Variants in MED26 observed in about 807,000 individuals in gnomAD.
The protein encoded by MED26 is mediator of RNA polymerase II transcription subunit 26.
In MED26, 7 loss-of-function variants were observed where a neutral mutation model predicts 43.7. The ratio of observed to expected loss-of-function variants is 0.16; its 90% CI spans 0.09 to 0.30. The LOEUF (loss-of-function observed/expected upper bound fraction) is 0.30. MED26 is among the 10% of genes least tolerant of loss of function. The pLI is 1.00. For synonymous variants in MED26, 375 were observed against 371.1 expected, an observed-to-expected ratio of 1.01 and a Z score of -0.12; for missense variants, 784 against 840.6, an observed-to-expected ratio of 0.93 and a Z score of 0.83.
chr19:16,576,545 G>C lies in MED26; in HGVS notation c.1285C>G (p.Pro429Ala). 1 of 1,614,186 alleles carries C rather than the reference G, an allele frequency of 6.2e-7. No individual in the cohort carries two copies. Among genetic ancestry groups the C allele is most frequent in the Non-Finnish European group, 8.5e-7 (1 of 1,180,040 alleles). Residue 429 changes from proline to alanine, a missense_variant, in exon 3 of 3, where the codon CCC becomes GCC. By Grantham distance (27) the Pro-to-Ala change is conservative. Coordinates refer to ENST00000263390, the MANE Select transcript of MED26 (RefSeq NM_004831.5). The surrounding 1 kb of genome is among the most constrained non-coding windows in gnomAD (Gnocchi z 6.8). ...AGAGGTTTGATCTGTCTCGTCATGG[G>C]GTCAAAGGTGAGCTTCCGCTCTTTT... ...RLKERKLTFDPMTRQIKPLTQ... is the reference protein window; with the variant it reads ...RLKERKLTFDAMTRQIKPLTQ...
chr19:16,598,820 G>A (rs1032348209), intron 1 of MED26, among the ~76,000 whole-genome samples: 2 of 152,176 alleles, frequency 1.3e-5, no homozygotes, highest in African/African-American at 4.8e-5. Flanking sequence ...GAGAAAATGT[G>A]CTATGATGAC....
At chr19:16,579,140 C>T (rs1409946526) in intron 1 of MED26, among the ~76,000 whole-genome samples, 1 of 152,078 alleles carries the variant, frequency 6.6e-6, no homozygotes, top group Non-Finnish European at 1.5e-5. Context: ...ACCAGTCAAT[C>T]TGAATCCAAA....
chr19:16,598,656 G>A (rs1319692815), intron 1 of MED26, among the ~76,000 whole-genome samples: 1 of 152,150 alleles, frequency 6.6e-6, no homozygotes, highest in African/African-American at 2.4e-5. Context: ...CACACCCTCT[G>A]ACAAGTTCCA....
intron 1 of MED26, among the ~76,000 whole-genome samples, chr19:16,591,849 G>T (rs905479020): frequency 1.3e-5 from 2 of 152,214 alleles, no homozygotes; most frequent in African/African-American, 4.8e-5. Context: ...TAAGCTCCTA[G>T]AGTGAGAAAT....
rs1283038578 is a variant in MED26 at position 16,576,354 on chromosome 19, C to T, written c.1476G>A (p.Arg492=). The T allele has an allele frequency of 6.2e-7, 1 of 1,614,032 alleles. No homozygotes were observed. Among genetic ancestry groups the T allele is most frequent in the South Asian group, 1.1e-5 (1 of 91,074 alleles). The change falls in exon 3 of 3, where the codon CGG becomes CGA. Residue 492 remains arginine (R), a synonymous_variant. Coordinates refer to ENST00000263390, the MANE Select transcript of MED26 (RefSeq NM_004831.5). This position sits in a 1 kb window ranked among gnomAD's most constrained non-coding sequence, Gnocchi z 6.8. ...RNEIIQSYLS[R]QSSLLSSSGA... Reference sequence around the variant, plus strand: ...CCGATGATGAGAGCAGGCTGCTCTGCCGGCTCAGGTAGGACTGGATGATCT... The same window carrying T: ...CCGATGATGAGAGCAGGCTGCTCTGTCGGCTCAGGTAGGACTGGATGATCT...
chr19:16,604,435 T>C (rs2086163338), intron 1 of MED26, among the ~76,000 whole-genome samples: 1 of 152,220 alleles, frequency 6.6e-6, no homozygotes, highest in Non-Finnish European at 1.5e-5. Context: ...TTATTGCTTG[T>C]GTACTGAAAA....
At chr19:16,623,688 C>T (rs2086261389) in intron 1 of MED26, among the ~76,000 whole-genome samples, 1 of 152,174 alleles carries the variant, frequency 6.6e-6, no homozygotes, top group Admixed American at 6.5e-5. Context: ...GGGGACGTTA[C>T]AGGATCCTCA....
intron 1 of MED26, among the ~76,000 whole-genome samples, chr19:16,617,020 A>G (rs1284053496): frequency 6.6e-6 from 1 of 152,080 alleles, no homozygotes; most frequent in Non-Finnish European, 1.5e-5. Context: ...GCCACTTCCT[A>G]CTTCCCAACT....
intron 1 of MED26, among the ~76,000 whole-genome samples, chr19:16,585,484 C>T (rs2086066577): frequency 6.6e-6 from 1 of 152,118 alleles, no homozygotes; most frequent in Non-Finnish European, 1.5e-5. Flanking sequence ...AACAATGAGC[C>T]AGCAGTAACC....
intron 1 of MED26, among the ~76,000 whole-genome samples, chr19:16,605,991 T>TC: frequency 6.6e-6 from 1 of 152,222 alleles, no homozygotes; most frequent in South Asian, 2.1e-4. Context: ...AGGCCAGTTT[T>TC]CCCCTTCTTC....
At chr19:16,597,459 CAG>C (rs2086125963) in intron 1 of MED26, 2 of 398,522 alleles carry the variant, frequency 5.0e-6, no homozygotes, top group Non-Finnish European at 8.8e-6. Context: ...ACTTCCTAAA[CAG>C]GTAACATTTA....
At chr19:16,585,400 G>A (rs1425369272) in intron 1 of MED26, among the ~76,000 whole-genome samples, 1 of 152,120 alleles carries the variant, frequency 6.6e-6, no homozygotes, top group Non-Finnish European at 1.5e-5. Flanking sequence ...CCCTCAAGTG[G>A]CCCAGACCAG....
intron 1 of MED26, chr19:16,589,240 A>G (rs754291): frequency 0.48 from 73,395 of 152,054 alleles, 19,917 homozygotes; most frequent in African/African-American, 0.75. Flanking sequence ...GTCACCCAAG[A>G]AAGAGTCTGG....
intron 1 of MED26, among the ~76,000 whole-genome samples, chr19:16,600,003 T>C (rs890765413): frequency 3.3e-5 from 5 of 152,150 alleles, no homozygotes; most frequent in Middle Eastern, 3.2e-3. Flanking sequence ...CTCTGCCCTC[T>C]TGGTGCCTGA....
chr19:16,613,082 T>C (rs1045515934), intron 1 of MED26, among the ~76,000 whole-genome samples: 4 of 152,158 alleles, frequency 2.6e-5, no homozygotes, highest in African/African-American at 9.7e-5. Context: ...TTTAGTAGGA[T>C]AGGGACGTCC....
In MED26 at chr19:16,578,319, G is replaced by T. The variant is rs769425906; in HGVS notation, c.147+16C>A. 29 of 1,612,390 alleles carry T rather than the reference G, an allele frequency of 1.8e-5. No individual in the cohort carries two copies. In the Admixed American group the frequency reaches 4.7e-4, roughly 26 times the overall value. ...CCCGTTCTGCCCTCCCAAATGCTGG[G>T]GTCTGGGATACTCACCTCAAGTGCC... On this transcript the variant is annotated intron_variant, in intron 2 of 2. Transcript: ENST00000263390.
intron 1 of MED26, among the ~76,000 whole-genome samples, chr19:16,581,764 G>A (rs529462651): frequency 6.6e-6 from 1 of 152,346 alleles, no homozygotes; most frequent in Admixed American, 6.5e-5. Flanking sequence ...AGGGCCCTGT[G>A]ACTGTGTATC....
chr19:16,611,431 C>G (rs1009844853), intron 1 of MED26: 1 of 152,176 alleles, frequency 6.6e-6, no homozygotes, highest in African/African-American at 2.4e-5. Flanking sequence ...ATCCTCTCCA[C>G]TGATTGCAGT....
intron 1 of MED26, among the ~76,000 whole-genome samples, chr19:16,626,369 G>A (rs1181235974): frequency 6.6e-6 from 1 of 152,090 alleles, no homozygotes; most frequent in East Asian, 1.9e-4. Flanking sequence ...AAATTGCAGT[G>A]ACACCAGTTA....
Sources: allele counts gnomAD v4.1 joint callset (sites outside exome capture counted in the v4.1 genomes callset), GRCh38; gene constraint gnomAD v4.1.1; non-coding constraint Gnocchi (gnomAD v3.1); transcripts MANE v1.5; gene names NCBI Gene and HGNC (gene_info 2026-07-23, HGNC 2026-07-21).